Variants in SLC2A14 observed in about 807,000 individuals in gnomAD.
SLC2A14 encodes solute carrier family 2, facilitated glucose transporter member 14.
SLC2A14 carries 13 observed loss-of-function variants against 43.0 expected under a neutral mutation model. The observed-to-expected ratio is 0.30, with a 90% CI of 0.20 to 0.48. The LOEUF (loss-of-function observed/expected upper bound fraction) is 0.48. Among genes scored for constraint, SLC2A14 ranks in the 20% least tolerant of loss-of-function variants. SLC2A14 has a pLI of 0.99. For missense variants in SLC2A14, 428 were observed against 620.4 expected (o/e 0.69, Z 3.29); for synonymous variants, 190 against 233.8 (o/e 0.81, Z 1.71).
At chr12:7,860,226 T>C (rs911211704) in intron 2 of SLC2A14, among the ~76,000 whole-genome samples, 1 of 152,106 alleles carries the variant, frequency 6.6e-6, no homozygotes, top group Non-Finnish European at 1.5e-5. Context: ...ATTGTGTATT[T>C]AGTTAGGCCT....
Position 7,813,209 on chromosome 12 carries a change from C to G in SLC2A14, c.*1107G>C, listed in dbSNP as rs1019899354. ...TTTAAAGGTATGAGTTAAAATAAAA[C>G]AGAAAATCAACACCTAAAATCTCCT... On this transcript the variant is annotated 3_prime_UTR_variant, in exon 11 of 11. Coordinates refer to ENST00000431042, the MANE Select transcript of SLC2A14 (RefSeq NM_001286234.2). 13 of 151,894 alleles carry G rather than the reference C, an allele frequency of 8.6e-5. No homozygotes were observed. Among genetic ancestry groups the G allele is most frequent in the Non-Finnish European group, 1.8e-4 (12 of 67,986 alleles). 9.4% of individuals were successfully genotyped at this position (151,894 alleles called of 1,614,324 possible). A position where few individuals can be genotyped will look rare whatever the true frequency, so the allele number is the denominator to read the frequency against.
chr12:7,823,396 A>G (rs1472186736), intron 7 of SLC2A14, among the ~76,000 whole-genome samples: 2 of 144,086 alleles, frequency 1.4e-5, no homozygotes, highest in Non-Finnish European at 3.0e-5. Context: ...AAAAAAAAAG[A>G]AAAAAAAAGT....
chr12:7,814,733 A>AT lies in SLC2A14; in HGVS notation c.1276-200dup, dbSNP rs201132964. On this transcript the variant is annotated intron_variant, in intron 10 of 10. Coordinates refer to ENST00000431042, the MANE Select transcript of SLC2A14 (RefSeq NM_001286234.2). ...ATTTCTCTGTATTTTTCTTTCTGTC[A>AT]TTTTTTTTCATTAAAGTTAGATGCT... Among the ~76,000 whole-genome samples, 1,327 of 151,434 alleles carry AT rather than the reference A, an allele frequency of 8.8e-3. 27 individuals are homozygous for AT. The highest frequency in any genetic ancestry group is 0.031 in the African/African-American group (1,260 of 41,236).
intron 2 of SLC2A14, chr12:7,863,245 G>A (rs1944696941): frequency 5.6e-6 from 2 of 358,424 alleles, no homozygotes; most frequent in Middle Eastern, 9.4e-4. Flanking sequence ...CACGGCGGAA[G>A]TCTGCAGCTT....
At chr12:7,843,102 C>G (rs1866123725) in intron 2 of SLC2A14, among the ~76,000 whole-genome samples, 1 of 152,024 alleles carries the variant, frequency 6.6e-6, no homozygotes, top group African/African-American at 2.4e-5. Flanking sequence ...TCTCCTCAAG[C>G]ATTTATGCTT....
At chr12:7,866,303 C>G (rs189495958) in intron 2 of SLC2A14, among the ~76,000 whole-genome samples, 1 of 151,364 alleles carries the variant, frequency 6.6e-6, no homozygotes, top group African/African-American at 2.4e-5. Flanking sequence ...TCTAGATAGA[C>G]CACTAAACAT....
chr12:7,829,975 C>T lies in SLC2A14; in HGVS notation c.304G>A (p.Ala102Thr). The change falls in exon 5 of 11, where the codon GCT (alanine) becomes ACT (threonine). Residue 102 changes from alanine to threonine, a missense_variant. By Grantham distance (58) the Ala-to-Thr change is moderately conservative. Transcript: ENST00000431042. ...CCCATAAGGCAGCCACCAGTGGCAG[C>T]CAACAGGTTGACAATCAGCATTGAA... ...RNSMLIVNLLAATGGCLMGLC... is the reference protein window; with the variant it reads ...RNSMLIVNLLTATGGCLMGLC... 1 of 1,614,166 alleles carries T rather than the reference C, an allele frequency of 6.2e-7. No homozygotes were observed. The highest frequency in any genetic ancestry group is 8.5e-7 in the Non-Finnish European group (1 of 1,180,032).
intron 5 of SLC2A14, 76 bp from the exon 6 acceptor site, chr12:7,828,942 G>T (rs959443249): frequency 6.4e-7 from 1 of 1,555,404 alleles, no homozygotes; most frequent in African/African-American, 1.4e-5. Context: ...CAAAAAGTTG[G>T]CTGGGCGCAG....
chr12:7,870,874 C>T, intron 1 of SLC2A14: 1 of 1,262,754 alleles, frequency 7.9e-7, no homozygotes, highest in Non-Finnish European at 1.0e-6. Flanking sequence ...TGGACCAAAG[C>T]CAAGACCACC....
At chr12:7,827,898 T>A (rs1158448149) in intron 6 of SLC2A14, among the ~76,000 whole-genome samples, 1 of 152,140 alleles carries the variant, frequency 6.6e-6, no homozygotes, top group Non-Finnish European at 1.5e-5. Flanking sequence ...CCCAGCATTT[T>A]GTGAGGCCGA....
In SLC2A14 at chr12:7,872,796, G is replaced by C. The variant is rs903465964; in HGVS notation, c.-58+11C>G. 2 of 985,348 alleles carry C rather than the reference G, an allele frequency of 2.0e-6. No homozygotes were observed. The highest frequency in any genetic ancestry group is 3.5e-5 in the African/African-American group (2 of 57,204). 61.0% of individuals were successfully genotyped at this position (985,348 alleles called of 1,614,324 possible). On this transcript the variant is annotated intron_variant, in intron 1 of 10. Transcript: ENST00000431042. ...CACCCCCCGGCCGCAGGGACGGCGC[G>C]GCGCACCCACCTCCCAGACCCCGCG...
At chr12:7,882,167 ACAC>A (rs1565589536) in intron 1 of SLC2A14, among the ~76,000 whole-genome samples, 16 of 152,036 alleles carry the variant, frequency 1.1e-4, no homozygotes, top group Non-Finnish European at 2.4e-4. Context: ...ATGAGCTGTA[ACAC>A]TCACCGTGAA....
chr12:7,815,879 TTTG>T (rs1194903294), intron 10 of SLC2A14, among the ~76,000 whole-genome samples: 2 of 103,328 alleles, frequency 1.9e-5, no homozygotes, highest in African/African-American at 6.4e-5. Flanking sequence ...CCTGGCCAGT[TTTG>T]TTTTTTTTTG....
At chr12:7,845,444 C>T (rs761088799) in intron 2 of SLC2A14, among the ~76,000 whole-genome samples, 9 of 152,094 alleles carry the variant, frequency 5.9e-5, no homozygotes, top group Non-Finnish European at 7.4e-5. Flanking sequence ...AATTGTGGTC[C>T]GGGGACCAGC....
At chr12:7,879,390 C>CA (rs1212505183) in intron 1 of SLC2A14, among the ~76,000 whole-genome samples, 160 of 150,772 alleles carry the variant, frequency 1.1e-3, no homozygotes, top group African/African-American at 3.5e-3. Context: ...GTCTCAACAA[C>CA]AAAAAAAGAG....
At chr12:7,881,355 CG>C (rs1186013327) in intron 1 of SLC2A14, among the ~76,000 whole-genome samples, 1 of 151,826 alleles carries the variant, frequency 6.6e-6, no homozygotes, top group Non-Finnish European at 1.5e-5. Flanking sequence ...TTGGGCTCGG[CG>C]GGCCCCGCAC....
chr12:7,818,218 C>CTG (rs76120211), intron 9 of SLC2A14, among the ~76,000 whole-genome samples, 184 bp from the exon 10 acceptor site: 74,920 of 151,814 alleles, frequency 0.49, 19,329 homozygotes, highest in Non-Finnish European at 0.59. Context: ...GGGTCTTACT[C>CTG]TGTTGCCCAG....
upstream of SLC2A14, among the ~76,000 whole-genome samples, chr12:7,874,360 C>A (rs1307545211): frequency 6.6e-6 from 1 of 152,014 alleles, no homozygotes; most frequent in African/African-American, 2.4e-5. Flanking sequence ...CTCAGCCTGG[C>A]CTTTGCAATC....
rs35888324 is a variant in SLC2A14 at position 7,882,890 on chromosome 12, T to TAA, written c.132+8104_132+8105dup. Among the ~76,000 whole-genome samples, 318 of 148,876 alleles carry TAA rather than the reference T, an allele frequency of 2.1e-3. 2 individuals are homozygous for TAA. Among genetic ancestry groups the TAA allele is most frequent in the Non-Finnish European group, 3.5e-3 (234 of 67,272 alleles). On this transcript the variant is annotated intron_variant, in intron 1 of 9. Coordinates refer to the SLC2A14 transcript ENST00000539924. ...TGGAAGTTGTTTCTCAATTCAAGTTTAAAAAAAAAAAAGGACTAAGACTCT... is the reference window on the plus strand; with the variant it reads ...TGGAAGTTGTTTCTCAATTCAAGTTTAAAAAAAAAAAAAAGGACTAAGACTCT...
Sources: gnomAD v4.1 joint callset for allele counts (sites outside exome capture counted in the v4.1 genomes callset) on GRCh38, gnomAD v4.1.1 for gene constraint, MANE v1.5 for transcripts, NCBI Gene and HGNC (gene_info 2026-07-23, HGNC 2026-07-21) for gene names.